Variants in AKR1C3 observed in about 807,000 individuals in gnomAD.
AKR1C3 encodes the protein aldo-keto reductase family 1 member C3.
A neutral mutation model predicts 43.6 loss-of-function variants in AKR1C3; 48 were observed. The observed-to-expected ratio is 1.10, with a 90% CI of 0.87 to 1.40. The LOEUF (loss-of-function observed/expected upper bound fraction) is 1.40. Ranked by LOEUF, AKR1C3 falls within the 40% of genes most tolerant of loss-of-function variation. AKR1C3 has a pLI of 0.00. For missense variants in AKR1C3, 482 were observed against 391.2 expected, an observed-to-expected ratio of 1.23 and a Z score of -1.96; for synonymous variants, 162 against 139.6, an observed-to-expected ratio of 1.16 and a Z score of -1.13.
In AKR1C3 at chr10:5,107,683, A is replaced by C; in HGVS notation, c.*180A>C. 1 of 556,540 alleles carries C rather than the reference A, an allele frequency of 1.8e-6. No homozygotes were observed. Among genetic ancestry groups the C allele is most frequent in the Non-Finnish European group, 3.2e-6 (1 of 315,112 alleles). The allele number at this position is 556,540 out of a possible 1,614,324, so 34.5% of individuals were successfully genotyped here. On this transcript the variant is annotated 3_prime_UTR_variant, in exon 9 of 9. Transcript: ENST00000380554. The stretch of plus-strand genomic sequence containing the variant: ...GACAATAAATTTTTATCATTTTGAA[A>C]TAATTGAATGTTTTCTCAAAGATTC...
chr10:5,107,353 A>T, intron 8 of AKR1C3, 108 bp from the exon 9 acceptor site: 1 of 772,304 alleles, frequency 1.3e-6, no homozygotes, highest in African/African-American at 1.8e-5. Flanking sequence ...TTCTACAACT[A>T]GTCAGACAAC....
rs536598098 is a variant in AKR1C3, at chr10:5,083,583, G to A, written c.85-12827G>A. 5.8e-4 allele frequency among the ~76,000 whole-genome samples: 88 copies of A among 152,288 alleles called. 2 individuals are homozygous for A. The South Asian group carries it at 0.018, about 31-fold the overall frequency. On this transcript the variant is annotated intron_variant, in intron 1 of 8. Transcript: ENST00000439082. ...AGCAGCATGATTTATAATCCTTTGGGTATATACCCAGTAATGGGATGGCTG... is the reference window on the plus strand; with the variant it reads ...AGCAGCATGATTTATAATCCTTTGGATATATACCCAGTAATGGGATGGCTG...
intron 2 of AKR1C3, 91 bp downstream of exon 2, chr10:5,096,668 G>T: frequency 6.8e-7 from 1 of 1,460,562 alleles, no homozygotes; most frequent in South Asian, 1.6e-5. Context: ...AGTTGTGGGT[G>T]AATTTTGCTT....
intron 1 of AKR1C3, among the ~76,000 whole-genome samples, chr10:5,074,858 A>G (rs1015575880): frequency 1.3e-5 from 2 of 152,094 alleles, no homozygotes; most frequent in Non-Finnish European, 2.9e-5. Flanking sequence ...TGCATTTCCG[A>G]TTGTTCACCT....
intron 1 of AKR1C3, among the ~76,000 whole-genome samples, chr10:5,062,685 G>A (rs1460329198): frequency 1.3e-5 from 2 of 152,048 alleles, no homozygotes; most frequent in Admixed American, 6.6e-5. Flanking sequence ...CAGGTCAAGT[G>A]TGTAACTCCT....
intron 1 of AKR1C3, among the ~76,000 whole-genome samples, chr10:5,075,355 C>A (rs1215102119): frequency 6.6e-6 from 1 of 152,108 alleles, no homozygotes; most frequent in Non-Finnish European, 1.5e-5. Flanking sequence ...TTTCCCTTGG[C>A]CCCCACCAGC....
chr10:5,093,053 C>A (rs1429657327), upstream of AKR1C3, among the ~76,000 whole-genome samples: 2 of 151,996 alleles, frequency 1.3e-5, no homozygotes, highest in Non-Finnish European at 2.9e-5. Context: ...ACTGTGTGTG[C>A]CCATTAGTAG....
chr10:5,052,483 T>G (rs539169400), intron 1 of AKR1C3, among the ~76,000 whole-genome samples: 2 of 147,898 alleles, frequency 1.4e-5, no homozygotes, highest in Admixed American at 6.6e-5. Flanking sequence ...TTGGTCTGTT[T>G]TACAGAGAGC....
chr10:5,106,331 G>C (rs1337366426), intron 8 of AKR1C3, among the ~76,000 whole-genome samples: 3 of 152,168 alleles, frequency 2.0e-5, no homozygotes, highest in African/African-American at 4.8e-5. Context: ...AAATCAAGGA[G>C]TGTGAGTGTG....
chr10:5,101,980 A>G, intron 5 of AKR1C3, 121 bp from the exon 6 acceptor site: 2 of 637,170 alleles, frequency 3.1e-6, no homozygotes, highest in Non-Finnish European at 5.5e-6. Context: ...CTTGACAATA[A>G]TATCCTCAGC....
At position 5,063,765 on chromosome 10, in the gene AKR1C3, C is replaced by CAAAAAAAAAAAAAAAAAA. The variant is rs71391987; in HGVS notation, c.84+14877_84+14894dup. Among the ~76,000 whole-genome samples, 58 of 46,428 alleles carry CAAAAAAAAAAAAAAAAAA rather than the reference C, an allele frequency of 1.2e-3. 9 individuals carry two copies. The highest frequency in any genetic ancestry group is 1.6e-3 in the African/African-American group (19 of 11,992). 30.5% of individuals were successfully genotyped at this position (46,428 alleles called of 152,430 possible). A position where few individuals can be genotyped will look rare whatever the true frequency, so the allele number is the denominator to read the frequency against. On this transcript the variant is annotated intron_variant, in intron 1 of 8. Coordinates refer to the AKR1C3 transcript ENST00000439082. ...AGGACAGAGGTAGTCTCTGTCTCAGCAAAAAAAAAAAAAAAAAAAAAAAAG... is the reference window on the plus strand; with the variant it reads ...AGGACAGAGGTAGTCTCTGTCTCAGCAAAAAAAAAAAAAAAAAAAAAAAAAAAAAAAAAAAAAAAAAAG...
intron 1 of AKR1C3, chr10:5,080,930 C>T (rs1838824088): frequency 6.6e-6 from 1 of 151,402 alleles, no homozygotes; most frequent in African/African-American, 2.4e-5. Context: ...TTCACTGCCC[C>T]AAGGAGTTTT....
intron 1 of AKR1C3, among the ~76,000 whole-genome samples, chr10:5,095,482 TAAAA>T (rs567532151): frequency 1.5e-5 from 2 of 137,912 alleles, no homozygotes; most frequent in Admixed American, 7.3e-5. Flanking sequence ...AAAAAAGATT[TAAAA>T]AAAAAAAAAA....
upstream of AKR1C3, chr10:5,094,265 G>A (rs1554784805): frequency 4.4e-6 from 2 of 454,806 alleles, no homozygotes; most frequent in African/African-American, 2.1e-5. Context: ...AGAAACAAAT[G>A]AACTGAATGC....
At chr10:5,076,294 G>C (rs1259450553) in intron 1 of AKR1C3, among the ~76,000 whole-genome samples, 1 of 152,104 alleles carries the variant, frequency 6.6e-6, no homozygotes, top group Non-Finnish European at 1.5e-5. Flanking sequence ...ACCTTTAAGT[G>C]ATAATTAGAT....
At chr10:5,103,257 C>T (rs7091485) in intron 7 of AKR1C3, among the ~76,000 whole-genome samples, 128,164 of 152,098 alleles carry the variant, frequency 0.84, 54,020 homozygotes, top group Middle Eastern at 0.91. Context: ...GTGGATTTTT[C>T]ATTTCCATTT....
intron 1 of AKR1C3, among the ~76,000 whole-genome samples, chr10:5,063,764 G>GAA (rs1406943359): frequency 1.8e-4 from 6 of 33,436 alleles, no homozygotes; most frequent in African/African-American, 3.9e-4. Context: ...CTCTGTCTCA[G>GAA]CAAAAAAAAA....
chr10:5,086,369 C>T (rs1838964809), intron 1 of AKR1C3, among the ~76,000 whole-genome samples: 2 of 151,410 alleles, frequency 1.3e-5, no homozygotes, highest in Non-Finnish European at 2.9e-5. Context: ...GTTCAGTTTC[C>T]ATGTAGTTGA....
intron 5 of AKR1C3, 71 bp downstream of exon 5, chr10:5,099,520 G>T: frequency 1.9e-6 from 3 of 1,603,906 alleles, no homozygotes; most frequent in Non-Finnish European, 2.6e-6. Flanking sequence ...CCAAATATCT[G>T]TTTGTTTTGT....
Sources: allele counts gnomAD v4.1 joint callset (sites outside exome capture counted in the v4.1 genomes callset), GRCh38; gene constraint gnomAD v4.1.1; transcripts MANE v1.5; gene names NCBI Gene and HGNC (gene_info 2026-07-23, HGNC 2026-07-21).